Variants in ANKFN1 observed in about 807,000 individuals in gnomAD.
ANKFN1 encodes the protein ankyrin repeat and fibronectin type-III domain-containing protein 1.
Under a neutral mutation model 108.7 loss-of-function variants are expected in ANKFN1, and 74 were observed. The observed-to-expected ratio is 0.68, with a 90% confidence interval of 0.56 to 0.83. The LOEUF (loss-of-function observed/expected upper bound fraction) is 0.83. ANKFN1 is among the 40% of genes least tolerant of loss of function. ANKFN1 has a pLI of 0.00. For synonymous variants in ANKFN1, 547 were observed against 516.2 expected, an observed-to-expected ratio of 1.06 and a Z score of -0.81; for missense variants, 1,505 against 1,382.3, an observed-to-expected ratio of 1.09 and a Z score of -1.41.
chr17:56,154,925 C>T (rs774315450), intron 1 of ANKFN1, among the ~76,000 whole-genome samples: 3 of 152,102 alleles, frequency 2.0e-5, no homozygotes, highest in Non-Finnish European at 4.4e-5. Flanking sequence ...GGCAGAACTT[C>T]GACCATACTA....
intron 3 of ANKFN1, among the ~76,000 whole-genome samples, chr17:56,237,515 G>T (rs1917243667): frequency 6.6e-6 from 1 of 152,092 alleles, no homozygotes; most frequent in Non-Finnish European, 1.5e-5. Context: ...TCTTGGGAGG[G>T]TGTATATGTC....
At chr17:56,333,708 T>G (rs2045728223) in intron 4 of ANKFN1, among the ~76,000 whole-genome samples, 1 of 152,124 alleles carries the variant, frequency 6.6e-6, no homozygotes, top group South Asian at 2.1e-4. Context: ...AAGCCAAAGT[T>G]TTGGAAGAGT....
intron 4 of ANKFN1, among the ~76,000 whole-genome samples, chr17:56,126,648 G>T (rs1460545904): frequency 3.3e-5 from 5 of 152,196 alleles, no homozygotes; most frequent in Non-Finnish European, 5.9e-5. Flanking sequence ...CCCTGAATGC[G>T]CTGGCAAAGA....
rs11651028 is a variant in ANKFN1, at chr17:56,165,113, A to G, written c.-71+11583A>G. Among the ~76,000 whole-genome samples, 1,113 of 152,316 alleles carry G rather than the reference A, an allele frequency of 7.3e-3. 14 individuals are homozygous for G. The highest frequency in any genetic ancestry group is 0.025 in the African/African-American group (1,040 of 41,564). ...AGCTCTGTGTCAGTATCATGGAATGAAAATTGATATTGCTTGAGTAACTGC... is the reference window on the plus strand; with the variant it reads ...AGCTCTGTGTCAGTATCATGGAATGGAAATTGATATTGCTTGAGTAACTGC... On this transcript the variant is annotated intron_variant, in intron 1 of 20. Transcript: ENST00000682825.
At chr17:56,468,959 C>T (rs1000013511) in intron 15 of ANKFN1, among the ~76,000 whole-genome samples, 2 of 152,148 alleles carry the variant, frequency 1.3e-5, no homozygotes, top group Non-Finnish European at 2.9e-5. Flanking sequence ...GACTAATACA[C>T]TAATCCCCTA....
intron 2 of ANKFN1, among the ~76,000 whole-genome samples, chr17:56,220,005 A>G (rs1209257483): frequency 3.3e-5 from 5 of 152,366 alleles, no homozygotes; most frequent in African/African-American, 1.2e-4. Flanking sequence ...GAGGATCATT[A>G]AATCTCACTG....
At chr17:56,270,117 G>T (rs909711287) in intron 3 of ANKFN1, among the ~76,000 whole-genome samples, 1 of 151,822 alleles carries the variant, frequency 6.6e-6, no homozygotes, top group South Asian at 2.1e-4. Context: ...TGGCATGTTC[G>T]TGCTTGAGTT....
chr17:56,391,413 CATAT>C (rs1194798623), intron 8 of ANKFN1, among the ~76,000 whole-genome samples: 3 of 112,798 alleles, frequency 2.7e-5, no homozygotes, highest in Non-Finnish European at 1.8e-5. Context: ...TGTGTGTGTA[CATAT>C]ATATATGTGC....
intron 14 of ANKFN1, 151 bp from the exon 15 acceptor site, chr17:56,466,205 T>C: frequency 1.5e-6 from 1 of 655,548 alleles, no homozygotes; most frequent in South Asian, 2.0e-5. Context: ...ATGTCTATGA[T>C]GCCATATATT....
At chr17:56,314,274 T>C (rs2045132392) in intron 3 of ANKFN1, among the ~76,000 whole-genome samples, 1 of 152,230 alleles carries the variant, frequency 6.6e-6, no homozygotes, top group Non-Finnish European at 1.5e-5. Flanking sequence ...TTTCTCTTTC[T>C]TGTGGGTAGA....
At chr17:56,358,606 A>G (rs1206924979) in intron 6 of ANKFN1, among the ~76,000 whole-genome samples, 1 of 152,210 alleles carries the variant, frequency 6.6e-6, no homozygotes, top group Non-Finnish European at 1.5e-5. Context: ...AGCACAAAAT[A>G]ATATTCTTTC....
intron 4 of ANKFN1, among the ~76,000 whole-genome samples, chr17:56,328,535 T>C (rs2045581727): frequency 6.6e-6 from 1 of 152,252 alleles, no homozygotes; most frequent in South Asian, 2.1e-4. Flanking sequence ...ATTAGTATTC[T>C]ATTAATTATT....
At chr17:56,084,319 T>G (rs1905282409) in intron 4 of ANKFN1, among the ~76,000 whole-genome samples, 5 of 141,580 alleles carry the variant, frequency 3.5e-5, no homozygotes, top group African/African-American at 1.3e-4. Context: ...AATGGGGTAC[T>G]GGGAAAGGAT....
chr17:56,054,378 T>C (rs1475923275), intron 4 of ANKFN1, among the ~76,000 whole-genome samples: 1 of 152,218 alleles, frequency 6.6e-6, no homozygotes, highest in Non-Finnish European at 1.5e-5. Flanking sequence ...GTTTTGCAAC[T>C]TGTCCTGGGT....
At chr17:56,423,424 C>T (rs1000471150) in intron 8 of ANKFN1, among the ~76,000 whole-genome samples, 4 of 152,174 alleles carry the variant, frequency 2.6e-5, no homozygotes, top group African/African-American at 7.2e-5. Flanking sequence ...TAAATGTCTC[C>T]AATGACCCTC....
rs564880514 is a variant in ANKFN1 at position 56,420,944 on chromosome 17, G to A, written c.911-19383G>A. Among the ~76,000 whole-genome samples the A allele has an allele frequency of 4.4e-3, 664 of 152,072 alleles. 2 individuals are homozygous for A. Among genetic ancestry groups the A allele is most frequent in the African/African-American group, 0.015 (607 of 41,514 alleles). On this transcript the variant is annotated intron_variant, in intron 8 of 20. Transcript: ENST00000682825. The stretch of plus-strand genomic sequence containing the variant: ...AGGATGGTCTCGATCTCCTGACCTC[G>A]TGATCCGCCCGCCTCGGCCTCCCAA...
intron 17 of ANKFN1, among the ~76,000 whole-genome samples, chr17:56,481,045 A>G (rs2145368299): frequency 7.0e-6 from 1 of 142,282 alleles, no homozygotes; most frequent in East Asian, 2.0e-4. Context: ...GACCTCTTTC[A>G]CATTTTCTGG....
intron 4 of ANKFN1, among the ~76,000 whole-genome samples, chr17:56,076,296 T>A (rs73325608): frequency 0.083 from 12,635 of 152,244 alleles, 871 homozygotes; most frequent in African/African-American, 0.19. Flanking sequence ...CAGAGATGGG[T>A]ATTGCAGAAG....
intron 8 of ANKFN1, among the ~76,000 whole-genome samples, chr17:56,434,264 ATAT>A (rs2048857581): frequency 6.6e-6 from 1 of 152,144 alleles, no homozygotes; most frequent in South Asian, 2.1e-4. Flanking sequence ...AGAGAAGCAC[ATAT>A]TATTTTTGTG....
Sources: allele counts gnomAD v4.1 joint callset (sites outside exome capture counted in the v4.1 genomes callset), GRCh38; gene constraint gnomAD v4.1.1; transcripts MANE v1.5; gene names NCBI Gene and HGNC (gene_info 2026-07-23, HGNC 2026-07-21).